Variants in NME7 observed in about 807,000 individuals in gnomAD.
NME7 encodes the protein nucleoside diphosphate kinase 7.
A neutral mutation model predicts 49.1 loss-of-function variants in NME7; 41 were observed. That is an observed-to-expected ratio of 0.83 (90% CI 0.65 to 1.08). The LOEUF is 1.08. NME7 is among the 50% of genes least tolerant of loss of function. The pLI is 0.00. For missense variants in NME7, 423 were observed against 463.4 expected, an observed-to-expected ratio of 0.91 and a Z score of 0.80; for synonymous variants, 139 against 150.6, an observed-to-expected ratio of 0.92 and a Z score of 0.56.
intron 11 of NME7, among the ~76,000 whole-genome samples, chr1:169,151,278 C>T (rs1346680803): frequency 6.6e-6 from 1 of 152,150 alleles, no homozygotes; most frequent in Non-Finnish European, 1.5e-5. Flanking sequence ...TAAAACCAGT[C>T]CTGAGTCCCG....
chr1:169,267,358 G>T (rs1649348087), intron 7 of NME7, among the ~76,000 whole-genome samples: 1 of 133,724 alleles, frequency 7.5e-6, no homozygotes, highest in South Asian at 2.3e-4. Flanking sequence ...GCAATTTACA[G>T]ATTCAATGCT....
chr1:169,187,774 T>G (rs1660114244), intron 10 of NME7, among the ~76,000 whole-genome samples: 1 of 152,218 alleles, frequency 6.6e-6, no homozygotes, highest in Admixed American at 6.5e-5. Context: ...TTGTTATGTG[T>G]GAATTTGATC....
intron 10 of NME7, among the ~76,000 whole-genome samples, chr1:169,193,105 G>GT (rs1341880163): frequency 6.6e-6 from 1 of 152,058 alleles, no homozygotes; most frequent in East Asian, 1.9e-4. Flanking sequence ...AAGGCCAGGA[G>GT]TTTGAGACCA....
chr1:169,344,545 ACTT>A (rs34818994), intron 1 of NME7, among the ~76,000 whole-genome samples: 24 of 152,140 alleles, frequency 1.6e-4, no homozygotes, highest in Admixed American at 3.9e-4. Flanking sequence ...TTCAAAGTTC[ACTT>A]CTACTTCTAA....
At chr1:169,301,292 C>T (rs1156312901) in intron 5 of NME7, among the ~76,000 whole-genome samples, 1 of 152,084 alleles carries the variant, frequency 6.6e-6, no homozygotes, top group African/African-American at 2.4e-5. Flanking sequence ...CTCAAAAGAA[C>T]ATACAAGCAG....
chr1:169,273,914 A>G (rs1445546785), intron 7 of NME7, among the ~76,000 whole-genome samples: 3 of 129,770 alleles, frequency 2.3e-5, no homozygotes, highest in African/African-American at 7.8e-5. Flanking sequence ...TAGTGCCGCA[A>G]TAAACATACG....
intron 10 of NME7, among the ~76,000 whole-genome samples, chr1:169,213,881 T>A (rs1660902714): frequency 6.6e-6 from 1 of 151,902 alleles, no homozygotes; most frequent in Non-Finnish European, 1.5e-5. Flanking sequence ...GGTGTAAGCT[T>A]GTTAAGCTAA....
In NME7 at chr1:169,257,705, A is replaced by G. The variant is rs1305976828; in HGVS notation, c.755-20018T>C. On this transcript the variant is annotated intron_variant, in intron 7 of 11. Coordinates refer to ENST00000367811, the MANE Select transcript of NME7 (RefSeq NM_013330.5). ...TTTAAAGTTTAAAACTCCTTTTAGC[A>G]TTTTCAATAGAGCTGGTCTAGTAGT... Among the ~76,000 whole-genome samples, 4 of 133,918 alleles carry G rather than the reference A, an allele frequency of 3.0e-5. 1 individual carries two copies. Among genetic ancestry groups the G allele is most frequent in the Non-Finnish European group, 7.0e-5 (4 of 56,954 alleles). The allele number at this position is 133,918 out of a possible 152,430, so 87.9% of individuals were successfully genotyped here.
chr1:169,355,304 T>C lies in NME7; in HGVS notation c.3+12404A>G, dbSNP rs185143789. On this transcript the variant is annotated intron_variant, in intron 1 of 11. Transcript: ENST00000367811. ...TATATAATATATTGTATATTATATA[T>C]AATATATTGTATATTATATATAATA... is the stretch of plus-strand genomic sequence containing the variant. Among the ~76,000 whole-genome samples, 185 of 104,568 alleles carry C rather than the reference T, an allele frequency of 1.8e-3. 1 individual carries two copies. Among genetic ancestry groups the C allele is most frequent in the African/African-American group, 7.1e-3 (177 of 24,844 alleles). 68.6% of individuals were successfully genotyped at this position (104,568 alleles called of 152,430 possible). A position where few individuals can be genotyped will look rare whatever the true frequency, so the allele number is the denominator to read the frequency against.
chr1:169,341,151 T>C (rs1458779097), intron 1 of NME7, among the ~76,000 whole-genome samples: 1 of 151,944 alleles, frequency 6.6e-6, no homozygotes, highest in African/African-American at 2.4e-5. Flanking sequence ...AGAAAAATGG[T>C]TTTGTGGGCT....
At chr1:169,328,564 G>C (rs1652147442) in intron 1 of NME7, among the ~76,000 whole-genome samples, 1 of 151,838 alleles carries the variant, frequency 6.6e-6, no homozygotes, top group African/African-American at 2.4e-5. Context: ...AAAAAAATCA[G>C]TATGAAGGAA....
intron 7 of NME7, chr1:169,247,034 G>C (rs942457508): frequency 7.7e-5 from 35 of 456,132 alleles, no homozygotes; most frequent in Non-Finnish European, 1.4e-4. Context: ...AGATTTCCAG[G>C]AAAGAGTAGT....
chr1:169,358,017 A>G (rs1571419340), intron 1 of NME7, among the ~76,000 whole-genome samples: 1 of 151,988 alleles, frequency 6.6e-6, no homozygotes, highest in Non-Finnish European at 1.5e-5. Flanking sequence ...CCTCCCTTTT[A>G]CCAGCTTTTT....
At position 169,271,726 on chromosome 1, in the gene NME7, T is replaced by C. The variant is rs1049312285; in HGVS notation, c.754+15577A>G. On this transcript the variant is annotated intron_variant, in intron 7 of 11. Coordinates refer to ENST00000367811, the MANE Select transcript of NME7 (RefSeq NM_013330.5). The stretch of plus-strand genomic sequence containing the variant: ...GATAATCCTATTCCATTTCAGCTGC[T>C]CTCTTATCAGCAACTCCTTTTTTAA... Among the ~76,000 whole-genome samples the C allele has an allele frequency of 4.0e-4, 53 of 132,842 alleles. 14 individuals carry two copies. The highest frequency in any genetic ancestry group is 1.6e-4 in the Non-Finnish European group (9 of 56,760). 87.1% of individuals were successfully genotyped at this position (132,842 alleles called of 152,430 possible). A position where few individuals can be genotyped will look rare whatever the true frequency, so the allele number is the denominator to read the frequency against.
intron 11 of NME7, among the ~76,000 whole-genome samples, chr1:169,134,470 C>T (rs926611111): frequency 2.0e-5 from 3 of 152,018 alleles, no homozygotes; most frequent in African/African-American, 7.3e-5. Context: ...TTGAGTTTTT[C>T]AAAGATAGGC....
chr1:169,307,612 C>T (rs1047288901), intron 4 of NME7, among the ~76,000 whole-genome samples: 1 of 152,156 alleles, frequency 6.6e-6, no homozygotes, highest in Non-Finnish European at 1.5e-5. Context: ...TTATGATAAA[C>T]AAGTAGCATC....
chr1:169,154,353 C>T (rs78554830), intron 11 of NME7, among the ~76,000 whole-genome samples: 2,523 of 151,990 alleles, frequency 0.017, 33 homozygotes, highest in Non-Finnish European at 0.028. Flanking sequence ...GAAATGACTG[C>T]GGATTCATAT....
At chr1:169,243,002 T>C (rs897452752) in intron 7 of NME7, among the ~76,000 whole-genome samples, 1 of 152,138 alleles carries the variant, frequency 6.6e-6, no homozygotes, top group African/African-American at 2.4e-5. Flanking sequence ...AACAAAATTG[T>C]TATCAAAATA....
intron 10 of NME7, among the ~76,000 whole-genome samples, chr1:169,216,559 T>C (rs952764944): frequency 4.6e-5 from 7 of 152,246 alleles, no homozygotes; most frequent in African/African-American, 1.7e-4. Context: ...GTGTTTCCCT[T>C]AGTTCTGTGA....
Sources: gnomAD v4.1 joint callset for allele counts (sites outside exome capture counted in the v4.1 genomes callset) on GRCh38, gnomAD v4.1.1 for gene constraint, MANE v1.5 for transcripts, NCBI Gene and HGNC (gene_info 2026-07-23, HGNC 2026-07-21) for gene names.